The following PCDH9 variants were observed in gnomAD, a reference collection of about 807,000 sequenced individuals.
PCDH9 encodes protocadherin-9.
In PCDH9, 24 loss-of-function variants were observed where a neutral mutation model predicts 70.6. That is an observed-to-expected ratio of 0.34 (90% CI 0.25 to 0.48). PCDH9 has a LOEUF of 0.48. Among genes scored for constraint, PCDH9 ranks in the 20% least tolerant of loss-of-function variants. PCDH9 has a pLI of 0.99. For synonymous variants in PCDH9, 562 were observed against 558.5 expected (o/e 1.01, Z -0.09); for missense variants, 1,281 against 1,503.6 (o/e 0.85, Z 2.45).
chr13:66,544,109 A>T (rs1486639334), intron 4 of PCDH9, among the ~76,000 whole-genome samples: 1 of 152,190 alleles, frequency 6.6e-6, no homozygotes, highest in Non-Finnish European at 1.5e-5. Context: ...TATACTTATG[A>T]TATACAGGAC....
intron 4 of PCDH9, among the ~76,000 whole-genome samples, chr13:66,329,928 T>A (rs75043612): frequency 0.04 from 6,083 of 152,156 alleles, 424 homozygotes; most frequent in African/African-American, 0.14. Context: ...AGAAAAAAAA[T>A]GCATAACTTT....
intron 3 of PCDH9, among the ~76,000 whole-genome samples, chr13:66,689,311 C>T (rs9592482): frequency 0.085 from 12,861 of 152,086 alleles, 838 homozygotes; most frequent in African/African-American, 0.18. Context: ...CATTCACCTC[C>T]TTTAATGTGG....
At chr13:66,531,239 A>G (rs1348398816) in intron 4 of PCDH9, among the ~76,000 whole-genome samples, 6 of 152,066 alleles carry the variant, frequency 3.9e-5, no homozygotes, top group African/African-American at 9.7e-5. Flanking sequence ...ACAAATGAGA[A>G]CTCTCCGATA....
At chr13:66,336,058 G>A (rs112798073) in intron 4 of PCDH9, among the ~76,000 whole-genome samples, 2,473 of 152,056 alleles carry the variant, frequency 0.016, 69 homozygotes, top group African/African-American at 0.057. Flanking sequence ...GTGGTAATGG[G>A]TACATAATGG....
chr13:67,146,092 T>C (rs973101536), intron 2 of PCDH9, among the ~76,000 whole-genome samples: 6 of 152,136 alleles, frequency 3.9e-5, no homozygotes, highest in Non-Finnish European at 7.4e-5. Context: ...AGGCAGGTAA[T>C]TGAGGAAATA....
At chr13:67,108,727 G>A (rs906162860) in intron 2 of PCDH9, among the ~76,000 whole-genome samples, 1 of 152,038 alleles carries the variant, frequency 6.6e-6, no homozygotes, top group Admixed American at 6.5e-5. Flanking sequence ...TTTAATTACA[G>A]TGGGTACTAT....
In PCDH9 at chr13:66,952,485, C is replaced by T. The variant is rs541499265; in HGVS notation, c.3037-48880G>A. ...TTATATTCTATTTTTTCTGATTCCT[C>T]TCATCCAAAATAAATTCCTCATCAA... On this transcript the variant is annotated intron_variant, in intron 2 of 4. Transcript: ENST00000377865. Among the ~76,000 whole-genome samples, 100 of 152,230 alleles carry T rather than the reference C, an allele frequency of 6.6e-4. 1 individual carries two copies. Among genetic ancestry groups the T allele is most frequent in the South Asian group, 5.6e-3 (27 of 4,820 alleles).
intron 3 of PCDH9, among the ~76,000 whole-genome samples, chr13:66,645,673 C>A (rs1272515688): frequency 6.6e-6 from 1 of 152,140 alleles, no homozygotes; most frequent in Non-Finnish European, 1.5e-5. Flanking sequence ...AAAGTTGAGA[C>A]TCCCTAGAGC....
Position 66,415,517 on chromosome 13 carries a change from C to T in PCDH9, c.3341-110489G>A, listed in dbSNP as rs1176494017. Among the ~76,000 whole-genome samples the T allele has an allele frequency of 2.0e-5, 3 of 152,250 alleles. No individual in the cohort carries two copies. The East Asian group carries it at 5.8e-4, about 29-fold the overall frequency. On this transcript the variant is annotated intron_variant, in intron 4 of 4. Coordinates refer to ENST00000377865, the MANE Select transcript of PCDH9 (RefSeq NM_203487.3). The stretch of plus-strand genomic sequence containing the variant: ...GTACTATAATGTGGCTAGGTAGTAT[C>T]CAAACAATGTATAACAACGATCAGA...
chr13:66,966,092 T>G (rs952517720), intron 2 of PCDH9, among the ~76,000 whole-genome samples: 12 of 152,170 alleles, frequency 7.9e-5, no homozygotes, highest in Admixed American at 5.9e-4. Context: ...ATATATTTAC[T>G]TGGCTCTTCT....
intron 2 of PCDH9, chr13:67,201,829 G>C (rs1458718825): frequency 6.6e-6 from 1 of 151,854 alleles, no homozygotes; most frequent in African/African-American, 2.4e-5. Context: ...ATTTCACAAA[G>C]TACCAATTTA....
At chr13:67,048,235 T>C (rs1038319642) in intron 2 of PCDH9, among the ~76,000 whole-genome samples, 3 of 152,152 alleles carry the variant, frequency 2.0e-5, no homozygotes, top group Admixed American at 2.0e-4. Context: ...TGGCTGAAAA[T>C]GGCATGGAAA....
intron 4 of PCDH9, among the ~76,000 whole-genome samples, chr13:66,433,527 T>C (rs1957812183): frequency 6.6e-6 from 1 of 151,684 alleles, no homozygotes; most frequent in Non-Finnish European, 1.5e-5. Context: ...ACAATTCAGA[T>C]CCTGCAGAAA....
intron 4 of PCDH9, among the ~76,000 whole-genome samples, chr13:66,422,152 C>G (rs1423456574): frequency 6.6e-6 from 1 of 152,152 alleles, no homozygotes; most frequent in African/African-American, 2.4e-5. Flanking sequence ...CACCCAGATT[C>G]ATAAAGCAAG....
At chr13:66,795,869 C>A (rs2080232359) in intron 3 of PCDH9, among the ~76,000 whole-genome samples, 1 of 152,108 alleles carries the variant, frequency 6.6e-6, no homozygotes. Flanking sequence ...AATCCTTTTG[C>A]TTTCCCCACT....
At chr13:66,943,616 G>C (rs749033067) in intron 2 of PCDH9, among the ~76,000 whole-genome samples, 4 of 151,918 alleles carry the variant, frequency 2.6e-5, no homozygotes. Flanking sequence ...GACTATAGAC[G>C]TGTCAAGTTA....
chr13:67,069,975 C>A (rs2085728166), intron 2 of PCDH9, among the ~76,000 whole-genome samples: 1 of 151,836 alleles, frequency 6.6e-6, no homozygotes, highest in Non-Finnish European at 1.5e-5. Flanking sequence ...TTCCCTCTAT[C>A]TTTTCATATA....
rs987208381 is a variant in PCDH9, at chr13:66,517,458, G to T, written c.3340+113752C>A. 2.0e-5 allele frequency among the ~76,000 whole-genome samples: 3 copies of T among 152,042 alleles called. No individual in the cohort carries two copies. In the East Asian group the frequency reaches 5.8e-4, roughly 29 times the overall value. ...TAATTAGACTTTTAGCTTTTCCAAT[G>T]AAACAGGCATTCTTAGACATTTCTG... On this transcript the variant is annotated intron_variant, in intron 4 of 4. Coordinates refer to ENST00000377865, the MANE Select transcript of PCDH9 (RefSeq NM_203487.3).
chr13:67,075,955 T>C lies in PCDH9; in HGVS notation c.3036+149450A>G, dbSNP rs181940420. ...GAATTTGGGAAAAACGTGGCAAAAATATTGGAATGCAGTGATATGAGTACA... is the reference window on the plus strand; with the variant it reads ...GAATTTGGGAAAAACGTGGCAAAAACATTGGAATGCAGTGATATGAGTACA... On this transcript the variant is annotated intron_variant, in intron 2 of 4. Transcript: ENST00000377865. Among the ~76,000 whole-genome samples, 23 of 152,192 alleles carry C rather than the reference T, an allele frequency of 1.5e-4. No individual in the cohort carries two copies. In the East Asian group the frequency reaches 3.9e-3, roughly 26 times the overall value.
Sources: allele counts gnomAD v4.1 joint callset (sites outside exome capture counted in the v4.1 genomes callset), GRCh38; gene constraint gnomAD v4.1.1; transcripts MANE v1.5; gene names NCBI Gene and HGNC (gene_info 2026-07-23, HGNC 2026-07-21).